CDC42BPA: variants seen among roughly 807,000 people sequenced by gnomAD.
CDC42BPA encodes the protein CDC42 binding protein kinase alpha.
Under a neutral mutation model 223.5 loss-of-function variants are expected in CDC42BPA, and 80 were observed. The ratio of observed to expected loss-of-function variants is 0.36; its 90% CI spans 0.30 to 0.43. The LOEUF (loss-of-function observed/expected upper bound fraction) is 0.43, where lower values mean the gene tolerates loss of function less well. Ranked by LOEUF, CDC42BPA falls within the 20% of genes least tolerant of loss-of-function variation. The pLI is 1.00. For missense variants in CDC42BPA, 1,743 were observed against 2,099.9 expected (o/e 0.83, Z 3.32); for synonymous variants, 694 against 718.6 (o/e 0.97, Z 0.55).
chr1:227,271,864 G>C (rs567571278), intron 1 of CDC42BPA, among the ~76,000 whole-genome samples: 1 of 152,184 alleles, frequency 6.6e-6, no homozygotes, highest in South Asian at 2.1e-4. Context: ...AGCATCCTCA[G>C]TTATCACACC....
chr1:227,060,325 G>A (rs1675620777), intron 21 of CDC42BPA, among the ~76,000 whole-genome samples: 2 of 152,162 alleles, frequency 1.3e-5, no homozygotes, highest in African/African-American at 4.8e-5. Context: ...CAGCAGTAGA[G>A]CTTCACTAAT....
At chr1:227,081,313 A>AT (rs1423680545) in intron 16 of CDC42BPA, among the ~76,000 whole-genome samples, 1 of 151,148 alleles carries the variant, frequency 6.6e-6, no homozygotes, top group Non-Finnish European at 1.5e-5. Flanking sequence ...TCTTTATGTC[A>AT]TTTTTTCTTT....
At chr1:227,298,730 G>T (rs945152640) in intron 1 of CDC42BPA, among the ~76,000 whole-genome samples, 2 of 152,196 alleles carry the variant, frequency 1.3e-5, no homozygotes, top group African/African-American at 4.8e-5. Context: ...ACAGACAGCA[G>T]CCGCTCAGTG....
At chr1:227,254,288 A>G in intron 1 of CDC42BPA, 133 bp from the exon 2 acceptor site, 1 of 550,576 alleles carries the variant, frequency 1.8e-6, no homozygotes, top group Non-Finnish European at 3.1e-6. Flanking sequence ...TAAAAATCCC[A>G]AACTATATGA....
chr1:227,088,752 C>A (rs1238309010), intron 16 of CDC42BPA, among the ~76,000 whole-genome samples: 1 of 152,050 alleles, frequency 6.6e-6, no homozygotes, highest in Admixed American at 6.6e-5. Flanking sequence ...TTGAGACAGA[C>A]TGTCGCTCTG....
At chr1:227,269,050 A>G (rs1331023267) in intron 1 of CDC42BPA, among the ~76,000 whole-genome samples, 1 of 152,236 alleles carries the variant, frequency 6.6e-6, no homozygotes, top group African/African-American at 2.4e-5. Flanking sequence ...GGGGTTGGCA[A>G]ACCTTTTCTG....
chr1:227,302,578 T>C (rs1468294046), intron 1 of CDC42BPA, among the ~76,000 whole-genome samples: 1 of 152,196 alleles, frequency 6.6e-6, no homozygotes, highest in African/African-American at 2.4e-5. Context: ...GCAAAATATA[T>C]TGATTCTGAA....
Position 227,191,629 on chromosome 1 carries a change from G to A in CDC42BPA, c.599+2157C>T, listed in dbSNP as rs535916920. On this transcript the variant is annotated intron_variant, in intron 5 of 36. Transcript: ENST00000366766. ...CTTCTCAAGAATTACATATAAACTG[G>A]GTGAAATCTCTCAATTCCACAAGCC... Among the ~76,000 whole-genome samples, 18 of 151,930 alleles carry A rather than the reference G, an allele frequency of 1.2e-4. No individual in the cohort carries two copies. The South Asian group carries it at 3.6e-3, about 30-fold the overall frequency.
At chr1:227,135,853 CCCAAAAAAAAAAAAAAAAAAAAAAAAAAA>C (rs1558581046) in intron 10 of CDC42BPA, among the ~76,000 whole-genome samples, 1 of 8,700 alleles carries the variant, frequency 1.1e-4, no homozygotes, top group African/African-American at 3.9e-4. Context: ...GACTCTGTCT[CCCAAAAAAAAAAAAAAAAAAAAAAAAAAA>C]AAAAAAAAAA....
At chr1:227,006,917 C>CGACA (rs1558265755) in intron 34 of CDC42BPA, among the ~76,000 whole-genome samples, 1 of 67,280 alleles carries the variant, frequency 1.5e-5, no homozygotes, top group Non-Finnish European at 3.1e-5. Context: ...CCGGCCTGGG[C>CGACA]GTGCACTCAC....
intron 15 of CDC42BPA, among the ~76,000 whole-genome samples, chr1:227,097,007 C>CT (rs138781375): frequency 6.6e-6 from 1 of 152,208 alleles, no homozygotes; most frequent in East Asian, 1.9e-4. Flanking sequence ...TCTACTTTCT[C>CT]TTTTCATGAT....
intron 5 of CDC42BPA, among the ~76,000 whole-genome samples, chr1:227,164,502 T>TA (rs560335907): frequency 1.1e-4 from 17 of 151,510 alleles, no homozygotes; most frequent in African/African-American, 2.4e-4. Context: ...TCTGTCTCTA[T>TA]AAAAAAAAAT....
chr1:227,229,347 C>A (rs879300529), intron 2 of CDC42BPA, among the ~76,000 whole-genome samples: 1 of 152,110 alleles, frequency 6.6e-6, no homozygotes, highest in Non-Finnish European at 1.5e-5. Context: ...TATGGACTTT[C>A]AATTCTTTTC....
chr1:227,056,199 CTAAA>C (rs1228211917), intron 21 of CDC42BPA, among the ~76,000 whole-genome samples: 1 of 151,976 alleles, frequency 6.6e-6, no homozygotes, highest in Non-Finnish European at 1.5e-5. Context: ...TTTCTACTGC[CTAAA>C]TAATTACAGA....
chr1:227,185,643 GC>G (rs1218310577), intron 5 of CDC42BPA, among the ~76,000 whole-genome samples: 5 of 151,976 alleles, frequency 3.3e-5, no homozygotes, highest in African/African-American at 1.2e-4. Context: ...TGGCTTTGGA[GC>G]CCCCCTCCCT....
At chr1:227,021,205 G>A (rs766105490) in intron 32 of CDC42BPA, among the ~76,000 whole-genome samples, 4 of 152,128 alleles carry the variant, frequency 2.6e-5, no homozygotes, top group Non-Finnish European at 4.4e-5. Flanking sequence ...GAGACATGAA[G>A]TCAACACGCG....
chr1:227,073,608 G>A (rs192376947), intron 19 of CDC42BPA, among the ~76,000 whole-genome samples: 6 of 151,974 alleles, frequency 3.9e-5, no homozygotes, highest in African/African-American at 1.2e-4. Flanking sequence ...AATTTTATGA[G>A]GAAAATTAAA....
chr1:227,000,924 G>C (rs891938069), intron 35 of CDC42BPA, among the ~76,000 whole-genome samples: 1 of 152,140 alleles, frequency 6.6e-6, no homozygotes, highest in Non-Finnish European at 1.5e-5. Flanking sequence ...GCCCCTTCCA[G>C]AGAGTTTTAA....
intron 8 of CDC42BPA, among the ~76,000 whole-genome samples, chr1:227,144,575 A>C (rs1367833921): frequency 1.4e-4 from 1 of 7,102 alleles, no homozygotes; most frequent in South Asian, 9.6e-3. Flanking sequence ...ACTCTGTCTC[A>C]AAAAAAAAAA....
Sources: gnomAD v4.1 joint callset for allele counts (sites outside exome capture counted in the v4.1 genomes callset) on GRCh38, gnomAD v4.1.1 for gene constraint, MANE v1.5 for transcripts, NCBI Gene and HGNC (gene_info 2026-07-23, HGNC 2026-07-21) for gene names.